The following DCUN1D5 variants were observed in gnomAD, a reference collection of about 807,000 sequenced individuals.
DCUN1D5 encodes the protein defective in cullin neddylation 1 domain containing 5.
A neutral mutation model predicts 38.3 loss-of-function variants in DCUN1D5; 10 were observed. The observed-to-expected ratio is 0.26, with a 90% CI of 0.16 to 0.44. The LOEUF (loss-of-function observed/expected upper bound fraction) is 0.44, where lower values mean the gene tolerates loss of function less well. DCUN1D5 is among the 20% of genes least tolerant of loss of function. The pLI is 1.00. For synonymous variants in DCUN1D5, 93 were observed against 90.9 expected, an observed-to-expected ratio of 1.02 and a Z score of -0.13; for missense variants, 148 against 275.3, an observed-to-expected ratio of 0.54 and a Z score of 3.27.
At position 103,073,765 on chromosome 11, in the gene DCUN1D5, T is replaced by A. The variant is rs988977037; in HGVS notation, c.342-7198A>T. Reference sequence around the variant, plus strand: ...AGGCAAATAATTCTTAGACTTGACATCAAAAGTACAATCAAAAGTACATCA... The same window carrying A: ...AGGCAAATAATTCTTAGACTTGACAACAAAAGTACAATCAAAAGTACATCA... On this transcript the variant is annotated intron_variant, in intron 4 of 7. Transcript: ENST00000260247. This position sits in a 1 kb window ranked among gnomAD's most constrained non-coding sequence, Gnocchi z 4.2. Among the ~76,000 whole-genome samples the A allele has an allele frequency of 6.6e-6, 1 of 152,212 alleles. No homozygotes were observed. The highest frequency in any genetic ancestry group is 1.5e-5 in the Non-Finnish European group (1 of 67,996).
intron 4 of DCUN1D5, among the ~76,000 whole-genome samples, chr11:103,074,940 T>C (rs919134800): frequency 6.6e-6 from 1 of 152,214 alleles, no homozygotes; most frequent in African/African-American, 2.4e-5. Flanking sequence ...AATTGAGGTT[T>C]GTGTAAAATT....
chr11:103,090,684 G>A (rs1441372381), intron 1 of DCUN1D5, among the ~76,000 whole-genome samples: 3 of 152,162 alleles, frequency 2.0e-5, no homozygotes, highest in African/African-American at 7.2e-5. Context: ...AGGCCGAGGC[G>A]GGCGGATCGC....
Position 103,091,473 on chromosome 11 carries a change from C to G in DCUN1D5, c.86+314G>C. ...GATACGGGAGTAGGGGATCGAGGGTCGGTTGTGGGGTGGGGGTGGGGGTGG... is the reference window on the plus strand; with the variant it reads ...GATACGGGAGTAGGGGATCGAGGGTGGGTTGTGGGGTGGGGGTGGGGGTGG... On this transcript the variant is annotated intron_variant, in intron 1 of 7. Transcript: ENST00000260247. The surrounding 1 kb of genome is among the most constrained non-coding windows in gnomAD (Gnocchi z 4.3). 4.1e-6 allele frequency: 1 copy of G among 246,430 alleles called. No homozygotes were observed. Among genetic ancestry groups the G allele is most frequent in the Non-Finnish European group, 7.1e-6 (1 of 140,620 alleles). The allele number at this position is 246,430 out of a possible 1,614,324, so 15.3% of individuals were successfully genotyped here. A position where few individuals can be genotyped will look rare whatever the true frequency, so the allele number is the denominator to read the frequency against.
At position 103,091,913 on chromosome 11, in the gene DCUN1D5, AG is replaced by A. The variant is rs568166739; in HGVS notation, c.-42del. The A allele has an allele frequency of 2.8e-5, 44 of 1,576,296 alleles. No homozygotes were observed. The African/African-American group carries it at 5.0e-4, about 18-fold the overall frequency. ...GCAGGGTGGGCAGGGGAGCCGGGGA[AG>A]GGGGTCCCTGTCCGCTGGAAGCCCC... is the stretch of plus-strand genomic sequence containing the variant. On this transcript the variant is annotated 5_prime_UTR_variant, in exon 1 of 8. Transcript: ENST00000260247. This position sits in a 1 kb window ranked among gnomAD's most constrained non-coding sequence, Gnocchi z 4.3.
At chr11:103,075,392 T>C (rs1267667463) in intron 4 of DCUN1D5, among the ~76,000 whole-genome samples, 1 of 152,204 alleles carries the variant, frequency 6.6e-6, no homozygotes, top group Non-Finnish European at 1.5e-5. Context: ...AAAAAGTTTT[T>C]TTTTTTTGAG....
At position 103,091,056 on chromosome 11, in the gene DCUN1D5, CTTCT is replaced by C. The variant is rs1258158477; in HGVS notation, c.86+727_86+730del. Among the ~76,000 whole-genome samples the C allele has an allele frequency of 3.9e-5, 6 of 152,172 alleles. No homozygotes were observed. Among genetic ancestry groups the C allele is most frequent in the African/African-American group, 1.4e-4 (6 of 41,432 alleles). On this transcript the variant is annotated intron_variant, in intron 1 of 7. Transcript: ENST00000260247. The surrounding 1 kb of genome is among the most constrained non-coding windows in gnomAD (Gnocchi z 4.3). ...CTACTACTATATAGTTCTGCCTTGT[CTTCT>C]TTCTTACCAGTAGGACAGAGTACAA... is the stretch of plus-strand genomic sequence containing the variant.
chr11:103,085,289 T>C (rs985590597), intron 2 of DCUN1D5, among the ~76,000 whole-genome samples: 11 of 152,072 alleles, frequency 7.2e-5, no homozygotes, highest in African/African-American at 2.7e-4. Context: ...ACTACAAAAA[T>C]TAGCCAGACG....
rs1213850401 is a variant in DCUN1D5, at chr11:103,091,881, C to G, written c.-9G>C. 11 of 1,611,770 alleles carry G rather than the reference C, an allele frequency of 6.8e-6. No individual in the cohort carries two copies. The highest frequency in any genetic ancestry group is 8.5e-6 in the Non-Finnish European group (10 of 1,178,866). On this transcript the variant is annotated 5_prime_UTR_variant, in exon 1 of 8. Coordinates refer to ENST00000260247, the MANE Select transcript of DCUN1D5 (RefSeq NM_032299.4). The surrounding 1 kb of genome is among the most constrained non-coding windows in gnomAD (Gnocchi z 4.3). ...TTCTTCTTCACCGGCATCTTCCGCC[C>G]TCCCCGGCAGGGTGGGCAGGGGAGC...
Position 103,091,561 on chromosome 11 carries a change from T to C in DCUN1D5, c.86+226A>G. The C allele has an allele frequency of 1.6e-6, 1 of 626,036 alleles. No individual in the cohort carries two copies. Among genetic ancestry groups the C allele is most frequent in the Non-Finnish European group, 2.7e-6 (1 of 365,960 alleles). 38.8% of individuals were successfully genotyped at this position (626,036 alleles called of 1,614,324 possible). On this transcript the variant is annotated intron_variant, in intron 1 of 7. Transcript: ENST00000260247. This position sits in a 1 kb window ranked among gnomAD's most constrained non-coding sequence, Gnocchi z 4.3. ...CTGCAGGGCACGTAGACTCTTAACG[T>C]GGGCGGCTCTTCTAGTCTCTCCATA...
At chr11:103,072,232 T>C (rs1052491981) in intron 4 of DCUN1D5, among the ~76,000 whole-genome samples, 1 of 151,488 alleles carries the variant, frequency 6.6e-6, no homozygotes, top group East Asian at 1.9e-4. Flanking sequence ...AAAAAAGAAA[T>C]AGGAGAGGAT....
In DCUN1D5 at chr11:103,056,513, T is replaced by A. The variant is rs183458696; in HGVS notation, c.*5846A>T. 3.3e-3 allele frequency among the ~76,000 whole-genome samples: 500 copies of A among 152,258 alleles called. No individual in the cohort carries two copies. The highest frequency in any genetic ancestry group is 0.012 in the African/African-American group (479 of 41,564). ...TACATGCTACTTAATAGTAATCCTA[T>A]CCTCACACACTCTCTGGGCCCCTTC... On this transcript the variant is annotated 3_prime_UTR_variant, in exon 8 of 8. Transcript: ENST00000260247. This position sits in a 1 kb window ranked among gnomAD's most constrained non-coding sequence, Gnocchi z 4.9.
In DCUN1D5 at chr11:103,071,860, A is replaced by T. The variant is rs1482700793; in HGVS notation, c.342-5293T>A. On this transcript the variant is annotated intron_variant, in intron 4 of 7. Coordinates refer to ENST00000260247, the MANE Select transcript of DCUN1D5 (RefSeq NM_032299.4). The surrounding 1 kb of genome is among the most constrained non-coding windows in gnomAD (Gnocchi z 4.1). ...CCAAACCTTTAAAGACTTATTCCAC[A>T]TCTCTCTCAAAACATAAAAGATTAA... Among the ~76,000 whole-genome samples the T allele has an allele frequency of 6.6e-6, 1 of 151,210 alleles. No homozygotes were observed. The highest frequency in any genetic ancestry group is 1.5e-5 in the Non-Finnish European group (1 of 67,742).
At chr11:103,082,977 C>A in intron 3 of DCUN1D5, 138 bp from the exon 4 acceptor site, 1 of 680,124 alleles carries the variant, frequency 1.5e-6, no homozygotes, top group Non-Finnish European at 2.5e-6. Flanking sequence ...GAATTATTAA[C>A]TATATACAAA....
chr11:103,087,878 A>G lies in DCUN1D5; in HGVS notation c.178+1349T>C, dbSNP rs1862755073. Among the ~76,000 whole-genome samples, 1 of 152,188 alleles carries G rather than the reference A, an allele frequency of 6.6e-6. No homozygotes were observed. The highest frequency in any genetic ancestry group is 1.5e-5 in the Non-Finnish European group (1 of 68,032). On this transcript the variant is annotated intron_variant, in intron 2 of 7. Transcript: ENST00000260247. This position sits in a 1 kb window ranked among gnomAD's most constrained non-coding sequence, Gnocchi z 4.1. ...TTCTATTGTATCTAGTAACCTTTAT[A>G]AGTGAAATAAGATGGGTGACCTTTT...
chr11:103,056,951 C>T lies in DCUN1D5; in HGVS notation c.*5408G>A, dbSNP rs923091949. On this transcript the variant is annotated 3_prime_UTR_variant, in exon 8 of 8. Transcript: ENST00000260247. This position sits in a 1 kb window ranked among gnomAD's most constrained non-coding sequence, Gnocchi z 4.9. Reference sequence around the variant, plus strand: ...CAATACTGGTAGGTATCATTATCGCCATTTTACAGAAGAAACTGAAAATGA... The same window carrying T: ...CAATACTGGTAGGTATCATTATCGCTATTTTACAGAAGAAACTGAAAATGA... 2.6e-5 allele frequency among the ~76,000 whole-genome samples: 4 copies of T among 152,090 alleles called. No homozygotes were observed. Among genetic ancestry groups the T allele is most frequent in the African/African-American group, 9.7e-5 (4 of 41,424 alleles).
chr11:103,083,169 T>A lies in DCUN1D5; in HGVS notation c.249+87A>T. The A allele has an allele frequency of 1.4e-6, 1 of 699,296 alleles. No individual in the cohort carries two copies. 43.3% of individuals were successfully genotyped at this position (699,296 alleles called of 1,614,324 possible). ...TAAACATGAAGAAATAAAATCTTCA[T>A]ACAAGATTAAAGTGTCTCGATTTTT... is the stretch of plus-strand genomic sequence containing the variant. On this transcript the variant is annotated intron_variant, in intron 3 of 7. Transcript: ENST00000260247. This position sits in a 1 kb window ranked among gnomAD's most constrained non-coding sequence, Gnocchi z 4.4.
chr11:103,085,298 C>T (rs1217047310), intron 2 of DCUN1D5, among the ~76,000 whole-genome samples: 5 of 152,094 alleles, frequency 3.3e-5, no homozygotes, highest in African/African-American at 1.2e-4. Flanking sequence ...ATTAGCCAGA[C>T]GTGGTGGCAG....
At chr11:103,076,187 T>C (rs1366525890) in intron 4 of DCUN1D5, among the ~76,000 whole-genome samples, 1 of 152,200 alleles carries the variant, frequency 6.6e-6, no homozygotes. Flanking sequence ...ATCACTGTCA[T>C]AGCATAACAC....
At position 103,066,252 on chromosome 11, in the gene DCUN1D5, C is replaced by G. The variant is rs536608511; in HGVS notation, c.555+17G>C. On this transcript the variant is annotated intron_variant, in intron 6 of 7. Coordinates refer to ENST00000260247, the MANE Select transcript of DCUN1D5 (RefSeq NM_032299.4). This position sits in a 1 kb window ranked among gnomAD's most constrained non-coding sequence, Gnocchi z 4.7. ...GTTTTAAAATAATATTTTCAAAATT[C>G]GAAAAAACATACGTACCTCCAGGTA... 6.8e-7 allele frequency: 1 copy of G among 1,465,510 alleles called. No individual in the cohort carries two copies. Among genetic ancestry groups the G allele is most frequent in the African/African-American group, 1.4e-5 (1 of 69,774 alleles). The allele number at this position is 1,465,510 out of a possible 1,614,324, so 90.8% of individuals were successfully genotyped here.
Sources: gnomAD v4.1 joint callset for allele counts (sites outside exome capture counted in the v4.1 genomes callset) on GRCh38, gnomAD v4.1.1 for gene constraint, Gnocchi (gnomAD v3.1) non-coding constraint, MANE v1.5 for transcripts, NCBI Gene and HGNC (gene_info 2026-07-23, HGNC 2026-07-21) for gene names.